Variants in PKHD1 observed in about 807,000 individuals in gnomAD.
PKHD1 encodes fibrocystin.
Under a neutral mutation model 412.0 loss-of-function variants are expected in PKHD1, and 291 were observed. The ratio of observed to expected loss-of-function variants is 0.71; its 90% CI spans 0.64 to 0.78. The LOEUF (loss-of-function observed/expected upper bound fraction) is 0.78. PKHD1 is among the 30% of genes least tolerant of loss of function. The pLI is 0.00. For synonymous variants in PKHD1, 1,777 were observed against 1,821.5 expected, an observed-to-expected ratio of 0.98 and a Z score of 0.62; for missense variants, 4,825 against 4,950.7, an observed-to-expected ratio of 0.97 and a Z score of 0.76.
At position 51,802,510 on chromosome 6, in the gene PKHD1, A is replaced by C. The variant is rs144809676; in HGVS notation, c.8303-11137T>G. ...AACTCTCAGGTGATCCAATTATTAAATTTTTACATGTTACAGTTGGTGTTA... is the reference window on the plus strand; with the variant it reads ...AACTCTCAGGTGATCCAATTATTAACTTTTTACATGTTACAGTTGGTGTTA... On this transcript the variant is annotated intron_variant, in intron 52 of 66. Coordinates refer to ENST00000371117, the MANE Select transcript of PKHD1 (RefSeq NM_138694.4). Among the ~76,000 whole-genome samples the C allele has an allele frequency of 1.6e-4, 24 of 151,646 alleles. No homozygotes were observed. In the East Asian group the frequency reaches 4.6e-3, roughly 29 times the overall value.
At chr6:51,831,124 A>T (rs1768176179) in intron 51 of PKHD1, 135 bp from the exon 52 acceptor site, 2 of 682,294 alleles carry the variant, frequency 2.9e-6, no homozygotes, top group Non-Finnish European at 5.1e-6. Context: ...TTTCTGTACA[A>T]ATATTTATCA....
rs371657457 is a variant in PKHD1 at position 51,909,628 on chromosome 6, C to A, written c.6491-154G>T. 1.4e-3 allele frequency among the ~76,000 whole-genome samples: 207 copies of A among 152,178 alleles called. 1 individual carries two copies. The highest frequency in any genetic ancestry group is 4.7e-3 in the African/African-American group (196 of 41,544). On this transcript the variant is annotated intron_variant, in intron 39 of 66. Transcript: ENST00000371117. ...ATTTCCCCTTTTCTTTGATTCTCCT[C>A]TGTATATTATTAATTAAAAGATCTG...
Position 51,619,279 on chromosome 6 carries a change from G to C in PKHD1, c.12027C>G (p.Tyr4009Ter), listed in dbSNP as rs143616240. ...WKEGQEQLLR[Y>*]QLAGQNQLLL... ...GCAGCTGATTTTGGCCTGCCAGCTG[G>C]TATCTGAGCAACTGCTCTTGGCCCT... The change falls in exon 67 of 67, where the codon TAC becomes TAG. Residue 4009 changes from tyrosine to a stop codon, truncating the protein, a stop_gained. Coordinates refer to ENST00000371117, the MANE Select transcript of PKHD1 (RefSeq NM_138694.4). LOFTEE classifies it low-confidence loss of function (END_TRUNC). 2.5e-4 allele frequency: 403 copies of C among 1,614,254 alleles called. 1 individual carries two copies. In the African/African-American group the frequency reaches 2.8e-3, roughly 11 times the overall value.
At chr6:51,841,747 G>T (rs1226028682) in intron 50 of PKHD1, among the ~76,000 whole-genome samples, 1 of 152,230 alleles carries the variant, frequency 6.6e-6, no homozygotes, top group Non-Finnish European at 1.5e-5. Flanking sequence ...ACAGGAGCCA[G>T]CTGACGCCAC....
chr6:51,733,276 C>T (rs1783441140), intron 60 of PKHD1, among the ~76,000 whole-genome samples: 1 of 152,096 alleles, frequency 6.6e-6, no homozygotes, highest in Admixed American at 6.6e-5. Flanking sequence ...CACAGTGACT[C>T]ACACCTGTAA....
chr6:51,678,696 C>T (rs1350730692), intron 60 of PKHD1, among the ~76,000 whole-genome samples: 1 of 152,114 alleles, frequency 6.6e-6, no homozygotes, highest in Non-Finnish European at 1.5e-5. Context: ...AAAAACCCAA[C>T]CTGAAAATCT....
At chr6:51,838,658 G>C (rs1769658371) in intron 50 of PKHD1, among the ~76,000 whole-genome samples, 1 of 152,158 alleles carries the variant, frequency 6.6e-6, no homozygotes, top group Non-Finnish European at 1.5e-5. Context: ...GGGCAGATGA[G>C]TATGAGACAG....
chr6:52,067,749 G>A (rs1001683697), intron 11 of PKHD1, among the ~76,000 whole-genome samples: 1 of 152,184 alleles, frequency 6.6e-6, no homozygotes, highest in Non-Finnish European at 1.5e-5. Flanking sequence ...TGCATGTTAA[G>A]TGTGGCTGGA....
intron 56 of PKHD1, 89 bp from the exon 57 acceptor site, chr6:51,753,442 A>G: frequency 2.9e-6 from 3 of 1,038,530 alleles, no homozygotes; most frequent in Non-Finnish European, 4.5e-6. Flanking sequence ...TGAGAAATGA[A>G]AACATCCTTT....
intron 53 of PKHD1, among the ~76,000 whole-genome samples, chr6:51,777,658 AG>A (rs1194152202): frequency 1.5e-5 from 2 of 133,838 alleles, no homozygotes; most frequent in Non-Finnish European, 3.2e-5. Flanking sequence ...TATTTCACGG[AG>A]GGTAGTTTAG....
chr6:51,823,774 C>T (rs914400510), intron 52 of PKHD1, among the ~76,000 whole-genome samples: 1 of 152,122 alleles, frequency 6.6e-6, no homozygotes, highest in African/African-American at 2.4e-5. Flanking sequence ...AATTCCCACT[C>T]CTAATTGTCC....
rs562612275 is a variant in PKHD1, at chr6:51,885,854, C to A, written c.7215+13G>T. ...AAAACAACAACAATAACAACAACAA[C>A]AAAAAAGCTTACCTGGGCACCACCT... On this transcript the variant is annotated intron_variant, in intron 45 of 66. Transcript: ENST00000371117. 386 of 1,552,606 alleles carry A rather than the reference C, an allele frequency of 2.5e-4. No individual in the cohort carries two copies. The highest frequency in any genetic ancestry group is 8.0e-4 in the Admixed American group (47 of 59,114).
At chr6:51,979,015 A>G (rs1794803706) in intron 35 of PKHD1, among the ~76,000 whole-genome samples, 1 of 152,224 alleles carries the variant, frequency 6.6e-6, no homozygotes, top group Non-Finnish European at 1.5e-5. Flanking sequence ...AGCCATTAAT[A>G]TCAAGTTTAC....
intron 43 of PKHD1, among the ~76,000 whole-genome samples, chr6:51,898,161 A>G (rs1001735769): frequency 7.2e-5 from 11 of 152,282 alleles, no homozygotes; most frequent in South Asian, 2.1e-4. Context: ...GCACCAAGCG[A>G]ACCTAATAGA....
chr6:51,855,884 T>C lies in PKHD1; in HGVS notation c.7911+9A>G, dbSNP rs1442787321. ...TGCAGCATACCAACTAATGGATTCC[T>C]TGGGTTACCTGCAGAGATCTGTTGA... On this transcript the variant is annotated intron_variant, in intron 49 of 66. Coordinates refer to ENST00000371117, the MANE Select transcript of PKHD1 (RefSeq NM_138694.4). The C allele has an allele frequency of 6.2e-7, 1 of 1,605,734 alleles. No homozygotes were observed.
In PKHD1 at chr6:51,791,316, C is replaced by T; in HGVS notation, c.8360G>A (p.Gly2787Glu). 1 of 1,613,114 alleles carries T rather than the reference C, an allele frequency of 6.2e-7. No individual in the cohort carries two copies. The highest frequency in any genetic ancestry group is 8.5e-7 in the Non-Finnish European group (1 of 1,179,120). The change falls in exon 53 of 67, where the codon GGG (glycine) becomes GAG (glutamate). Residue 2787 changes from glycine (G) to glutamate (E), a missense_variant. Transcript: ENST00000371117. ...TCTGTCCACAGGGAAGTCTAAGGTC[C>T]CCATCACATACAGCCCTTTGAAGAA... ...LPFFKGLYVM[G>E]TLDFPVDRSN...
At chr6:52,073,393 G>A (rs1233663677) in intron 7 of PKHD1, 70 bp downstream of exon 7, 22 of 944,838 alleles carry the variant, frequency 2.3e-5, no homozygotes, top group Middle Eastern at 4.2e-4. Flanking sequence ...TTGCCATCAG[G>A]GAAGCTGGTC....
intron 45 of PKHD1, among the ~76,000 whole-genome samples, chr6:51,883,684 T>C (rs138053548): frequency 4.6e-5 from 7 of 152,350 alleles, no homozygotes; most frequent in African/African-American, 1.4e-4. Flanking sequence ...ATAAGTTATG[T>C]ACATATATGT....
chr6:51,768,102 G>A (rs900799135), intron 55 of PKHD1, among the ~76,000 whole-genome samples: 6 of 151,910 alleles, frequency 3.9e-5, no homozygotes, highest in African/African-American at 1.4e-4. Context: ...TTTTTTGGCT[G>A]CATAAATGTC....
Sources: allele counts gnomAD v4.1 joint callset (sites outside exome capture counted in the v4.1 genomes callset), GRCh38; gene constraint gnomAD v4.1.1; transcripts MANE v1.5; gene names NCBI Gene and HGNC (gene_info 2026-07-23, HGNC 2026-07-21).